Variants in FAM98A observed in about 807,000 individuals in gnomAD.
FAM98A encodes the protein tRNA splicing ligase complex subunit 3A, also known as protein FAM98A.
Under a neutral mutation model 62.9 loss-of-function variants are expected in FAM98A, and 25 were observed. That is an observed-to-expected ratio of 0.40 (90% CI 0.29 to 0.56). The LOEUF (loss-of-function observed/expected upper bound fraction) is 0.56. Among genes scored for constraint, FAM98A ranks in the 20% least tolerant of loss-of-function variants. The pLI is 0.51. For missense variants in FAM98A, 653 were observed against 640.7 expected (o/e 1.02, Z -0.21); for synonymous variants, 252 against 228.6 (o/e 1.10, Z -0.92).
Position 33,599,238 on chromosome 2 carries a change from A to G in FAM98A, c.-17T>C. The G allele has an allele frequency of 6.2e-7, 1 of 1,611,724 alleles. No individual in the cohort carries two copies. Among genetic ancestry groups the G allele is most frequent in the South Asian group, 1.1e-5 (1 of 91,010 alleles). ...ACACTCCATGCTACTGTGGTATTCA[A>G]ATTTCCGAGTCGTCAGGCTCCCCTC... On this transcript the variant is annotated 5_prime_UTR_variant, in exon 1 of 8. Coordinates refer to ENST00000238823, the MANE Select transcript of FAM98A (RefSeq NM_015475.5).
At chr2:33,587,722 G>T in intron 4 of FAM98A, 1 of 192,898 alleles carries the variant, frequency 5.2e-6, no homozygotes, top group Non-Finnish European at 1.1e-5. Flanking sequence ...AGCGTATAGG[G>T]AATAACTGTG....
At chr2:33,596,102 CTGT>C (rs1677805541) in intron 1 of FAM98A, among the ~76,000 whole-genome samples, 1 of 152,168 alleles carries the variant, frequency 6.6e-6, no homozygotes, top group South Asian at 2.1e-4. Flanking sequence ...AGGTCTTGCA[CTGT>C]CACATAGGCT....
chr2:33,593,026 A>G (rs1417355018), intron 2 of FAM98A, among the ~76,000 whole-genome samples: 1 of 152,132 alleles, frequency 6.6e-6, no homozygotes, highest in Non-Finnish European at 1.5e-5. Flanking sequence ...TCCTTGATGA[A>G]ACCTTCCTTG....
intron 2 of FAM98A, among the ~76,000 whole-genome samples, chr2:33,594,327 C>T (rs541591059): frequency 6.6e-6 from 1 of 151,760 alleles, no homozygotes; most frequent in East Asian, 1.9e-4. Flanking sequence ...AAAAAAACAC[C>T]ACATGTTCTC....
intron 1 of FAM98A, among the ~76,000 whole-genome samples, chr2:33,598,794 C>G (rs574089558): frequency 1.3e-5 from 2 of 152,164 alleles, no homozygotes; most frequent in South Asian, 2.1e-4. Flanking sequence ...AGTAGGAAAG[C>G]AGAATCAACT....
intron 2 of FAM98A, among the ~76,000 whole-genome samples, chr2:33,594,362 G>A (rs1677741095): frequency 6.6e-6 from 1 of 151,392 alleles, no homozygotes; most frequent in Non-Finnish European, 1.5e-5. Context: ...GTTAAAAAAT[G>A]AGAACACATG....
chr2:33,585,614 A>C lies in FAM98A; in HGVS notation c.804T>G (p.Leu268=). ...SPKTTISVAH[L]LAARQDLSKI... is the part of the protein sequence containing the mutation. ...TTGACAAGTCCTGCCTTGCAGCCAA[A>C]AGATGGGCAACAGAAATAGTAGTTT... is the stretch of plus-strand genomic sequence containing the variant. The change falls in exon 7 of 8, where the codon CTT becomes CTG. Residue 268 remains leucine, a synonymous_variant. Transcript: ENST00000238823. The C allele has an allele frequency of 1.9e-6, 3 of 1,614,206 alleles. No individual in the cohort carries two copies. The highest frequency in any genetic ancestry group is 2.5e-6 in the Non-Finnish European group (3 of 1,180,036).
intron 6 of FAM98A, 53 bp from the exon 7 acceptor site, chr2:33,585,750 G>GA (rs1274219016): frequency 6.7e-6 from 10 of 1,498,386 alleles, no homozygotes; most frequent in Non-Finnish European, 2.7e-6. Context: ...AATGACATAA[G>GA]AAACACATAT....
At chr2:33,597,858 C>T (rs934666003) in intron 1 of FAM98A, among the ~76,000 whole-genome samples, 1 of 152,176 alleles carries the variant, frequency 6.6e-6, no homozygotes, top group Admixed American at 6.5e-5. Flanking sequence ...ACCTTGTACT[C>T]TAAGGGCCTA....
intron 5 of FAM98A, chr2:33,586,885 G>A: frequency 1.8e-6 from 1 of 560,598 alleles, no homozygotes; most frequent in African/African-American, 1.9e-5. Flanking sequence ...AGTATGTGAA[G>A]TACACAATTC....
At chr2:33,594,764 T>C (rs1677765455) in intron 2 of FAM98A, among the ~76,000 whole-genome samples, 1 of 151,704 alleles carries the variant, frequency 6.6e-6, no homozygotes, top group African/African-American at 2.4e-5. Flanking sequence ...AACGTGATTA[T>C]GTGGAAAAAA....
At chr2:33,591,535 G>A (rs1423088133) in intron 3 of FAM98A, among the ~76,000 whole-genome samples, 1 of 152,084 alleles carries the variant, frequency 6.6e-6, no homozygotes, top group Admixed American at 6.6e-5. Flanking sequence ...CTCAGAATAA[G>A]TACCAGAACA....
Position 33,597,102 on chromosome 2 carries a change from T to C in FAM98A, c.54-1465A>G, listed in dbSNP as rs17013485. 8.8e-3 allele frequency among the ~76,000 whole-genome samples: 1,334 copies of C among 152,236 alleles called. 22 individuals are homozygous for C. Among genetic ancestry groups the C allele is most frequent in the African/African-American group, 0.031 (1,270 of 41,530 alleles). ...TTATTAGACACTGAAATCAAAAGACTAGGCCTAGAAGTTTCTCCTTGAGTT... is the reference window on the plus strand; with the variant it reads ...TTATTAGACACTGAAATCAAAAGACCAGGCCTAGAAGTTTCTCCTTGAGTT... On this transcript the variant is annotated intron_variant, in intron 1 of 7. Coordinates refer to ENST00000238823, the MANE Select transcript of FAM98A (RefSeq NM_015475.5).
At position 33,599,256 on chromosome 2, in the gene FAM98A, C is replaced by T. The variant is rs545401901; in HGVS notation, c.-35G>A. 4 of 1,582,114 alleles carry T rather than the reference C, an allele frequency of 2.5e-6. No homozygotes were observed. Among genetic ancestry groups the T allele is most frequent in the East Asian group, 4.5e-5 (2 of 44,704 alleles). On this transcript the variant is annotated 5_prime_UTR_variant, in exon 1 of 8. Transcript: ENST00000238823. ...GTATTCAAATTTCCGAGTCGTCAGG[C>T]TCCCCTCTTCGCCGGCAACGCGTAC...
At chr2:33,599,060 G>A in intron 1 of FAM98A, 109 bp downstream of exon 1, 1 of 903,666 alleles carries the variant, frequency 1.1e-6, no homozygotes, top group Non-Finnish European at 1.8e-6. Flanking sequence ...ACAGCCAGGA[G>A]CCACGGGGTG....
In FAM98A at chr2:33,585,245, C is replaced by G; in HGVS notation, c.1088G>C (p.Arg363Pro). Residue 363 changes from arginine to proline, a missense_variant, in exon 8 of 8, where the codon CGT (arginine) becomes CCT (proline). Physicochemically the swap from Arg to Pro is moderately radical, Grantham distance 103. Coordinates refer to ENST00000238823, the MANE Select transcript of FAM98A (RefSeq NM_015475.5). Reference sequence around the variant, plus strand: ...TCGGCCACCATGGTCATAGCCACCACGTCCACCTCTCCCGCCTCCTTGTTC... The same window carrying G: ...TCGGCCACCATGGTCATAGCCACCAGGTCCACCTCTCCCGCCTCCTTGTTC... ...GHEQGGGRGG[R>P]GGYDHGGRGG... The G allele has an allele frequency of 6.2e-7, 1 of 1,614,114 alleles. No individual in the cohort carries two copies. Among genetic ancestry groups the G allele is most frequent in the South Asian group, 1.1e-5 (1 of 91,080 alleles).
rs1345884112 is a variant in FAM98A, at chr2:33,584,760, G to C, written c.*16C>G. The C allele has an allele frequency of 1.3e-6, 2 of 1,560,038 alleles. No individual in the cohort carries two copies. Among genetic ancestry groups the C allele is most frequent in the Non-Finnish European group, 1.7e-6 (2 of 1,147,920 alleles). ...TCTATTACTTGAGCTCTAGCAAAATGTAAGGTTCGGTAGCCTCAACTAGTG... is the reference window on the plus strand; with the variant it reads ...TCTATTACTTGAGCTCTAGCAAAATCTAAGGTTCGGTAGCCTCAACTAGTG... On this transcript the variant is annotated 3_prime_UTR_variant, in exon 8 of 8. Transcript: ENST00000238823.
rs897091190 is a variant in FAM98A, at chr2:33,586,798, G to A, written c.604-120C>T. ...GATCCCGGCCATTTAACAGTCAAAA[G>A]TTCTTATTCCATATAATATACTAAC... On this transcript the variant is annotated intron_variant, in intron 5 of 7. Transcript: ENST00000238823. 16 of 649,102 alleles carry A rather than the reference G, an allele frequency of 2.5e-5. No individual in the cohort carries two copies. The African/African-American group carries it at 2.7e-4, about 11-fold the overall frequency. 40.2% of individuals were successfully genotyped at this position (649,102 alleles called of 1,614,324 possible).
At chr2:33,591,004 A>G (rs551264651) in intron 3 of FAM98A, among the ~76,000 whole-genome samples, 6 of 152,200 alleles carry the variant, frequency 3.9e-5, no homozygotes, top group Non-Finnish European at 7.4e-5. Context: ...CTATTGAATC[A>G]GTTACAGAAA....
Sources: allele counts gnomAD v4.1 joint callset (sites outside exome capture counted in the v4.1 genomes callset), GRCh38; gene constraint gnomAD v4.1.1; transcripts MANE v1.5; gene names NCBI Gene and HGNC (gene_info 2026-07-23, HGNC 2026-07-21).